Variants in SORCS3 observed in about 807,000 individuals in gnomAD.
The protein encoded by SORCS3 is sortilin related VPS10 domain containing receptor 3, also known as VPS10 domain-containing receptor SorCS3.
Under a neutral mutation model 146.3 loss-of-function variants are expected in SORCS3, and 57 were observed. That is an observed-to-expected ratio of 0.39 (90% CI 0.31 to 0.49). SORCS3 has a LOEUF of 0.49. Ranked by LOEUF, SORCS3 falls within the 20% of genes least tolerant of loss-of-function variation. SORCS3 has a pLI of 0.92. For missense variants in SORCS3, 1,341 were observed against 1,575.5 expected (o/e 0.85, Z 2.52); for synonymous variants, 653 against 618.5 (o/e 1.06, Z -0.83).
intron 1 of SORCS3, among the ~76,000 whole-genome samples, chr10:104,757,380 T>C (rs1261738559): frequency 1.3e-5 from 2 of 152,240 alleles, no homozygotes; most frequent in Non-Finnish European, 2.9e-5. Flanking sequence ...TGAGTCTCAC[T>C]GCAGGTGGAT....
chr10:104,747,791 AG>A (rs2016928549), intron 1 of SORCS3, among the ~76,000 whole-genome samples: 2 of 152,232 alleles, frequency 1.3e-5, no homozygotes, highest in Admixed American at 1.3e-4. Flanking sequence ...CCTGGAAGGC[AG>A]TCTCCTGCCT....
intron 2 of SORCS3, among the ~76,000 whole-genome samples, chr10:104,870,157 C>A (rs920521144): frequency 3.9e-5 from 6 of 152,200 alleles, no homozygotes; most frequent in Non-Finnish European, 8.8e-5. Context: ...GCACATTTTA[C>A]CATATTTTTT....
At chr10:105,183,793 T>C (rs768434352) in intron 14 of SORCS3, among the ~76,000 whole-genome samples, 51 of 152,068 alleles carry the variant, frequency 3.4e-4, no homozygotes, top group Admixed American at 1.2e-3. Context: ...TATTGGATGA[T>C]GGTAGGGTAT....
chr10:104,952,059 A>G (rs965324499), intron 3 of SORCS3, among the ~76,000 whole-genome samples: 1 of 151,268 alleles, frequency 6.6e-6, no homozygotes, highest in African/African-American at 2.4e-5. Context: ...CCCCGATTCC[A>G]AATCTAGTGT....
intron 1 of SORCS3, among the ~76,000 whole-genome samples, chr10:104,742,034 GTAC>G: frequency 2.0e-5 from 3 of 151,748 alleles, no homozygotes; most frequent in African/African-American, 7.3e-5. Context: ...GGACATTTGG[GTAC>G]TGTATGACTC....
intron 3 of SORCS3, among the ~76,000 whole-genome samples, chr10:104,976,858 A>G (rs1306285418): frequency 6.6e-6 from 1 of 151,874 alleles, no homozygotes; most frequent in Non-Finnish European, 1.5e-5. Flanking sequence ...GAATTGAACA[A>G]TGAGATCGCA....
chr10:104,911,057 T>C (rs899904704), intron 2 of SORCS3, among the ~76,000 whole-genome samples: 2 of 152,252 alleles, frequency 1.3e-5, no homozygotes, highest in Non-Finnish European at 2.9e-5. Context: ...CTGGCTGATG[T>C]CTGGAATCAC....
At chr10:105,026,468 A>G (rs774029372) in intron 4 of SORCS3, among the ~76,000 whole-genome samples, 3 of 152,232 alleles carry the variant, frequency 2.0e-5, no homozygotes, top group Non-Finnish European at 4.4e-5. Context: ...CAGCAATCCC[A>G]TTATTAGGTA....
chr10:104,708,801 G>A (rs1444700825), intron 1 of SORCS3, among the ~76,000 whole-genome samples: 3 of 152,186 alleles, frequency 2.0e-5, no homozygotes, highest in Non-Finnish European at 4.4e-5. Context: ...TGCACTGGGT[G>A]CCTTTGCCAG....
At chr10:104,688,737 G>A (rs746110106) in intron 1 of SORCS3, among the ~76,000 whole-genome samples, 36 of 152,100 alleles carry the variant, frequency 2.4e-4, no homozygotes, top group Non-Finnish European at 4.3e-4. Flanking sequence ...AAGTACCTCT[G>A]TGGGTGGGAT....
At chr10:104,665,835 T>C (rs2015768685) in intron 1 of SORCS3, 1 of 152,188 alleles carries the variant, frequency 6.6e-6, no homozygotes, top group African/African-American at 2.4e-5. Context: ...AAAATCACAA[T>C]AGTCTTGTCT....
rs116690378 is a variant in SORCS3, at chr10:104,873,776, G to A, written c.695+30917G>A. On this transcript the variant is annotated intron_variant, in intron 2 of 26. Transcript: ENST00000369701. ...TTGGTGTTTTTATTAATTTAACTTT[G>A]TACAAGCTAACAGATTGTCATAAAG... is the stretch of plus-strand genomic sequence containing the variant. 4.0e-3 allele frequency among the ~76,000 whole-genome samples: 610 copies of A among 152,242 alleles called. 6 individuals carry two copies. Among genetic ancestry groups the A allele is most frequent in the African/African-American group, 0.013 (560 of 41,554 alleles).
intron 1 of SORCS3, among the ~76,000 whole-genome samples, chr10:104,805,085 A>G (rs903085707): frequency 1.3e-5 from 2 of 152,202 alleles, no homozygotes; most frequent in African/African-American, 4.8e-5. Flanking sequence ...ATGAACACCC[A>G]TCTGTCACTC....
intron 2 of SORCS3, among the ~76,000 whole-genome samples, chr10:104,843,696 TACAC>T (rs2018171186): frequency 6.6e-6 from 1 of 152,202 alleles, no homozygotes; most frequent in South Asian, 2.1e-4. Flanking sequence ...GCCCGTGTGT[TACAC>T]ACACTTACGC....
At chr10:104,739,341 C>T (rs922043511) in intron 1 of SORCS3, among the ~76,000 whole-genome samples, 1 of 152,178 alleles carries the variant, frequency 6.6e-6, no homozygotes, top group Non-Finnish European at 1.5e-5. Context: ...CAATTTCTTT[C>T]TGAGTTTTTT....
At chr10:105,046,536 A>G (rs1023062668) in intron 5 of SORCS3, among the ~76,000 whole-genome samples, 1 of 152,096 alleles carries the variant, frequency 6.6e-6, no homozygotes, top group African/African-American at 2.4e-5. Flanking sequence ...ATCTACAGTG[A>G]TGATTGTTGT....
rs397698406 is a variant in SORCS3 at position 105,010,732 on chromosome 10, T to TC, written c.955-32322dup. 8.1e-5 allele frequency among the ~76,000 whole-genome samples: 12 copies of TC among 147,738 alleles called. 1 individual carries two copies. The highest frequency in any genetic ancestry group is 2.7e-4 in the African/African-American group (11 of 40,504). On this transcript the variant is annotated intron_variant, in intron 4 of 26. Coordinates refer to ENST00000369701, the MANE Select transcript of SORCS3 (RefSeq NM_014978.3). ...GGAAGCATAGTTTCTTTTTTTTTTT[T>TC]CTCTCTTTCAGTGGCACTTTTCTGA...
At chr10:104,782,824 C>T (rs962267506) in intron 1 of SORCS3, among the ~76,000 whole-genome samples, 1 of 152,090 alleles carries the variant, frequency 6.6e-6, no homozygotes, top group East Asian at 1.9e-4. Flanking sequence ...CTCTGAGATG[C>T]TTGGGGTTTC....
intron 11 of SORCS3, among the ~76,000 whole-genome samples, chr10:105,160,455 C>T (rs1374629802): frequency 3.3e-5 from 5 of 152,136 alleles, no homozygotes; most frequent in South Asian, 2.1e-4. Context: ...GGTGAAACCC[C>T]GTCTCTACCA....
Sources: allele counts gnomAD v4.1 joint callset (sites outside exome capture counted in the v4.1 genomes callset), GRCh38; gene constraint gnomAD v4.1.1; transcripts MANE v1.5; gene names NCBI Gene and HGNC (gene_info 2026-07-23, HGNC 2026-07-21).